Variants in ERICH6B observed in about 807,000 individuals in gnomAD.
The protein encoded by ERICH6B is glutamate-rich protein 6B.
ERICH6B carries 69 observed loss-of-function variants against 80.0 expected under a neutral mutation model. The observed-to-expected ratio is 0.86, with a 90% CI of 0.71 to 1.05. ERICH6B has a LOEUF of 1.05. Ranked by LOEUF, ERICH6B falls within the 50% of genes least tolerant of loss-of-function variation. ERICH6B has a pLI of 0.00. For missense variants in ERICH6B, 754 were observed against 796.1 expected (o/e 0.95, Z 0.64); for synonymous variants, 283 against 291.9 (o/e 0.97, Z 0.31).
intron 2 of ERICH6B, among the ~76,000 whole-genome samples, chr13:45,606,503 GTGTATATATATATATATATATA>G (rs1949861493): frequency 6.1e-5 from 2 of 32,778 alleles, no homozygotes; most frequent in African/African-American, 3.3e-4. Context: ...AAAAGTGTAT[GTGTATATATATATATATATATA>G]TATATATATA....
intron 5 of ERICH6B, among the ~76,000 whole-genome samples, chr13:45,584,174 G>A (rs549933438): frequency 1.3e-5 from 2 of 152,338 alleles, no homozygotes; most frequent in East Asian, 3.9e-4. Flanking sequence ...GAGCATGGAT[G>A]TAATGCTCTG....
At chr13:45,588,584 C>T (rs1363575557) in intron 4 of ERICH6B, among the ~76,000 whole-genome samples, 2 of 152,178 alleles carry the variant, frequency 1.3e-5, no homozygotes, top group Non-Finnish European at 2.9e-5. Flanking sequence ...CACCTGGTGC[C>T]CACTGGGACC....
At chr13:45,551,492 G>C (rs1273585146) in intron 11 of ERICH6B, 1 of 152,140 alleles carries the variant, frequency 6.6e-6, no homozygotes, top group Non-Finnish European at 1.5e-5. Flanking sequence ...AAAGCCCCCT[G>C]GCACCCAGTA....
In ERICH6B at chr13:45,596,975, C is replaced by T. The variant is rs759343288; in HGVS notation, c.31G>A (p.Ala11Thr). ...GTTGTGGGAGGGTGAGGAGGTGATGCTCCTGATAACTGATTATTTTCAGCA... is the reference window on the plus strand; with the variant it reads ...GTTGTGGGAGGGTGAGGAGGTGATGTTCCTGATAACTGATTATTTTCAGCA... MSAENNQLSGASPPHPPTTPQ... is the reference protein window; with the variant it reads MSAENNQLSGTSPPHPPTTPQ... The change falls in exon 3 of 15, where the codon GCA becomes ACA. Residue 11 changes from alanine to threonine, a missense_variant. Ala to Thr is a moderately conservative substitution (Grantham distance 58, BLOSUM62 0). Coordinates refer to ENST00000298738, the MANE Select transcript of ERICH6B (RefSeq NM_182542.3). The T allele has an allele frequency of 1.8e-5, 28 of 1,547,686 alleles. No homozygotes were observed. In the South Asian group the frequency reaches 2.9e-4, roughly 16 times the overall value.
At chr13:45,603,710 C>G (rs1179853129) in intron 2 of ERICH6B, among the ~76,000 whole-genome samples, 1 of 152,190 alleles carries the variant, frequency 6.6e-6, no homozygotes, top group Non-Finnish European at 1.5e-5. Context: ...GCCCTGGGTC[C>G]TCCCCTGCCC....
intron 9 of ERICH6B, among the ~76,000 whole-genome samples, chr13:45,566,114 A>G (rs867650701): frequency 2.5e-4 from 38 of 152,290 alleles, no homozygotes; most frequent in Admixed American, 9.8e-4. Flanking sequence ...GAGATTTGTG[A>G]AACTTTGAAC....
chr13:45,594,889 T>C (rs1032049877), intron 3 of ERICH6B, among the ~76,000 whole-genome samples: 17 of 152,214 alleles, frequency 1.1e-4, no homozygotes, highest in South Asian at 2.1e-4. Flanking sequence ...TAGTTGAATA[T>C]GGCCATGCAG....
At position 45,541,516 on chromosome 13, in the gene ERICH6B, T is replaced by C. The variant is rs748192599; in HGVS notation, c.2037A>G (p.Ile679Met). Residue 679 changes from isoleucine (I) to methionine (M), a missense_variant, in exon 15 of 15, where the codon ATA becomes ATG. Ile to Met is a conservative substitution (Grantham distance 10). Transcript: ENST00000298738. ...TCAGGTACTTGTTGTCCATCAGTGA[T>C]ATACTGACGGCCTCTATGAAGTTTT... ...DLENFIEAVS[I>M]SLMDNKYLKK... The C allele has an allele frequency of 1.3e-6, 2 of 1,552,194 alleles. No individual in the cohort carries two copies. Among genetic ancestry groups the C allele is most frequent in the South Asian group, 2.4e-5 (2 of 84,058 alleles).
rs1294923058 is a variant in ERICH6B, at chr13:45,596,888, C to T, written c.118G>A (p.Glu40Lys). The change falls in exon 3 of 15, where the codon GAG becomes AAG. Residue 40 changes from glutamate (E) to lysine (K), a missense_variant. Glu to Lys is a moderately conservative substitution (Grantham distance 56, BLOSUM62 1). Transcript: ENST00000298738. ...GGAGATTCATCCTGTAGACTTTCCT[C>T]ATCTAGTTCTACTTCAGTATCCTCT... is the stretch of plus-strand genomic sequence containing the variant. ...EKEDTEVELD[E>K]ESLQDESPFS... 1.9e-6 allele frequency: 3 copies of T among 1,551,734 alleles called. No homozygotes were observed. Among genetic ancestry groups the T allele is most frequent in the African/African-American group, 1.4e-5 (1 of 73,056 alleles).
At chr13:45,579,806 C>T in intron 7 of ERICH6B, 127 bp downstream of exon 7, 2 of 862,872 alleles carry the variant, frequency 2.3e-6, no homozygotes, top group South Asian at 1.6e-5. Flanking sequence ...CCAGGATGCC[C>T]CTCAGTCCCC....
At chr13:45,585,746 A>C (rs1348861964) in intron 5 of ERICH6B, among the ~76,000 whole-genome samples, 1 of 152,216 alleles carries the variant, frequency 6.6e-6, no homozygotes, top group Non-Finnish European at 1.5e-5. Flanking sequence ...GAACTCCAAG[A>C]CATAGCTGCA....
chr13:45,582,178 T>C (rs545939216), intron 5 of ERICH6B, among the ~76,000 whole-genome samples: 5 of 152,340 alleles, frequency 3.3e-5, no homozygotes, highest in African/African-American at 7.2e-5. Flanking sequence ...AGCCCTTCTG[T>C]TGAGCCCCCA....
At chr13:45,603,940 GTGTGT>G (rs1949842263) in intron 2 of ERICH6B, among the ~76,000 whole-genome samples, 1 of 152,236 alleles carries the variant, frequency 6.6e-6, no homozygotes, top group South Asian at 2.1e-4. Context: ...CGGGTACGAT[GTGTGT>G]TGAGTGAATG....
At chr13:45,592,689 C>T (rs1046692488) in intron 3 of ERICH6B, among the ~76,000 whole-genome samples, 59 of 152,140 alleles carry the variant, frequency 3.9e-4, no homozygotes, top group African/African-American at 1.3e-3. Context: ...TTAGGAATGT[C>T]TTGGGTACTA....
At chr13:45,548,247 G>A (rs1189778410) in intron 13 of ERICH6B, among the ~76,000 whole-genome samples, 1 of 152,218 alleles carries the variant, frequency 6.6e-6, no homozygotes, top group Non-Finnish European at 1.5e-5. Flanking sequence ...GAAATGGCTT[G>A]GCTATAAGTC....
At chr13:45,609,058 G>A (rs1490365856) in intron 1 of ERICH6B, among the ~76,000 whole-genome samples, 3 of 152,150 alleles carry the variant, frequency 2.0e-5, no homozygotes, top group Non-Finnish European at 2.9e-5. Context: ...CATCACCATC[G>A]TCAAATCCAG....
chr13:45,605,973 A>G (rs760904258), intron 2 of ERICH6B, among the ~76,000 whole-genome samples: 2 of 152,242 alleles, frequency 1.3e-5, no homozygotes, highest in Non-Finnish European at 2.9e-5. Flanking sequence ...ATGTAGTGCC[A>G]TATTTGATAT....
At chr13:45,586,497 C>A (rs112982378) in intron 5 of ERICH6B, among the ~76,000 whole-genome samples, 1 of 152,104 alleles carries the variant, frequency 6.6e-6, no homozygotes, top group Admixed American at 6.5e-5. Context: ...AGAATGAAGA[C>A]CCTTAATGCA....
chr13:45,576,120 T>G (rs760927920), intron 7 of ERICH6B, among the ~76,000 whole-genome samples: 5 of 152,188 alleles, frequency 3.3e-5, no homozygotes, highest in Non-Finnish European at 5.9e-5. Context: ...TCTTCCCAAT[T>G]TTGGCTCCGT....
Sources: gnomAD v4.1 joint callset for allele counts (sites outside exome capture counted in the v4.1 genomes callset) on GRCh38, gnomAD v4.1.1 for gene constraint, MANE v1.5 for transcripts, NCBI Gene and HGNC (gene_info 2026-07-23, HGNC 2026-07-21) for gene names.